The following ZNF563 variants were observed in gnomAD, a reference collection of about 807,000 sequenced individuals.
ZNF563 encodes the protein zinc finger protein 563.
ZNF563 carries 39 observed loss-of-function variants against 48.5 expected under a neutral mutation model. The ratio of observed to expected loss-of-function variants is 0.80; its 90% CI spans 0.62 to 1.05. The LOEUF is 1.05. ZNF563 is among the 50% of genes least tolerant of loss of function. The probability of loss-of-function intolerance (pLI) is 0.00; values close to 1 mark genes in which losing one functional copy is unlikely to be tolerated. For missense variants in ZNF563, 538 were observed against 597.0 expected (o/e 0.90, Z 1.03); for synonymous variants, 168 against 187.9 (o/e 0.89, Z 0.87).
chr19:12,342,821 A>C, the ZNF563 span, among the ~76,000 whole-genome samples: 1,188 of 152,064 alleles, frequency 7.8e-3, 10 homozygotes, highest in African/African-American at 0.027. Context: ...AAATACCTTA[A>C]GACCACTGAA....
At chr19:12,333,367 GGTCCCA>G in intron 1 of ZNF563, 107 bp downstream of exon 1, 1 of 1,442,570 alleles carries the variant, frequency 6.9e-7, no homozygotes, top group South Asian at 1.3e-5. Context: ...GGGGGACTCG[GGTCCCA>G]GACCCCGGAG....
At chr19:12,333,810 T>C (rs978261293), upstream of ZNF563, 13 of 391,324 alleles carry the variant, frequency 3.3e-5, no homozygotes, top group African/African-American at 2.5e-4. Context: ...GATCACACAG[T>C]GCTGAGTCGA....
chr19:12,322,244 T>C (rs954934984), intron 2 of ZNF563, among the ~76,000 whole-genome samples: 1 of 151,718 alleles, frequency 6.6e-6, no homozygotes, highest in African/African-American at 2.4e-5. Flanking sequence ...TTAGTAGAGA[T>C]GGGGTTTCAC....
chr19:12,343,200 GAA>G, the ZNF563 span, among the ~76,000 whole-genome samples: 4 of 138,846 alleles, frequency 2.9e-5, no homozygotes, highest in Non-Finnish European at 6.3e-5. Flanking sequence ...GTCTCAAAAG[GAA>G]AAAAAAAAAG....
At chr19:12,338,644 A>G (rs28807728), upstream of ZNF563, among the ~76,000 whole-genome samples, 7,409 of 151,478 alleles carry the variant, frequency 0.049, 594 homozygotes, top group African/African-American at 0.17. Context: ...ACCTGAGGTC[A>G]GGAGTTCGAG....
intron 2 of ZNF563, among the ~76,000 whole-genome samples, chr19:12,322,089 T>C (rs932919265): frequency 1.3e-5 from 2 of 152,142 alleles, no homozygotes; most frequent in African/African-American, 4.8e-5. Flanking sequence ...AGATTCTCGC[T>C]CTGTCACCCA....
intron 1 of ZNF563, among the ~76,000 whole-genome samples, chr19:12,330,866 C>T (rs967726714): frequency 1.3e-5 from 2 of 152,086 alleles, no homozygotes; most frequent in African/African-American, 4.8e-5. Context: ...AGCCTTGAGA[C>T]AGTATTCATT....
At position 12,319,297 on chromosome 19, in the gene ZNF563, T is replaced by A. The variant is rs976925513; in HGVS notation, c.728A>T (p.His243Leu). 4.3e-6 allele frequency: 7 copies of A among 1,614,090 alleles called. No individual in the cohort carries two copies. Among genetic ancestry groups the A allele is most frequent in the Admixed American group, 3.3e-5 (2 of 60,002 alleles). The change falls in exon 4 of 4, where the codon CAT becomes CTT. Residue 243 changes from histidine (H) to leucine (L), a missense_variant. Coordinates refer to ENST00000293725, the MANE Select transcript of ZNF563 (RefSeq NM_145276.3). Reference protein sequence around the residue: ...AFPFYSSYRRHERMHTGEKPY... With the variant: ...AFPFYSSYRRLERMHTGEKPY... ...TTTCTCCCCAGTGTGCATTCTCTCATGTCTTCGATAGGAACTGTAAAAAGG... is the reference window on the plus strand; with the variant it reads ...TTTCTCCCCAGTGTGCATTCTCTCAAGTCTTCGATAGGAACTGTAAAAAGG...
the ZNF563 span, among the ~76,000 whole-genome samples, chr19:12,343,247 T>A: frequency 6.6e-6 from 1 of 151,372 alleles, no homozygotes; most frequent in East Asian, 1.9e-4. Flanking sequence ...CTCCAATAAG[T>A]ATTCTAATTC....
the ZNF563 span, among the ~76,000 whole-genome samples, chr19:12,343,725 CTT>C: frequency 8.5e-3 from 938 of 110,698 alleles, 2 homozygotes; most frequent in African/African-American, 0.027. Flanking sequence ...AGCATAAATT[CTT>C]TTTTTTTTTT....
chr19:12,339,459 T>C, the ZNF563 span, among the ~76,000 whole-genome samples: 4 of 152,014 alleles, frequency 2.6e-5, no homozygotes, highest in South Asian at 8.3e-4. Flanking sequence ...TTTGTGTTTT[T>C]AGTAGAGGCG....
intron 1 of ZNF563, among the ~76,000 whole-genome samples, chr19:12,330,208 C>T (rs1414384360): frequency 6.6e-6 from 1 of 152,126 alleles, no homozygotes; most frequent in African/African-American, 2.4e-5. Flanking sequence ...GCATGAGCCA[C>T]CACGCCCGGG....
rs1355518709 is a variant in ZNF563 at position 12,329,248 on chromosome 19, C to T, written c.3+4232G>A. Among the ~76,000 whole-genome samples the T allele has an allele frequency of 3.9e-5, 6 of 152,080 alleles. No individual in the cohort carries two copies. In the South Asian group the frequency reaches 8.3e-4, roughly 21 times the overall value. On this transcript the variant is annotated intron_variant, in intron 1 of 3. Transcript: ENST00000293725. ...CAGCACTTTGGAAGGCCAAGGCAGGCGGATCACGAGGTCAGGAGTTCGAGA... is the reference window on the plus strand; with the variant it reads ...CAGCACTTTGGAAGGCCAAGGCAGGTGGATCACGAGGTCAGGAGTTCGAGA...
chr19:12,341,860 C>A, the ZNF563 span, among the ~76,000 whole-genome samples: 1 of 152,078 alleles, frequency 6.6e-6, no homozygotes, highest in Non-Finnish European at 1.5e-5. Context: ...GCAAAACAGA[C>A]AGACATAATG....
chr19:12,331,217 A>G (rs1968908447), intron 1 of ZNF563, among the ~76,000 whole-genome samples: 1 of 152,186 alleles, frequency 6.6e-6, no homozygotes, highest in African/African-American at 2.4e-5. Flanking sequence ...TGAGTGAACA[A>G]ATCTTTTCAA....
intron 1 of ZNF563, among the ~76,000 whole-genome samples, chr19:12,326,433 C>A (rs961107347): frequency 6.6e-6 from 1 of 152,004 alleles, no homozygotes; most frequent in Non-Finnish European, 1.5e-5. Flanking sequence ...CACTTGAGGT[C>A]GGGAGTTCGA....
chr19:12,321,228 G>T, intron 3 of ZNF563, 44 bp downstream of exon 3: 2 of 1,328,024 alleles, frequency 1.5e-6, no homozygotes, highest in African/African-American at 1.5e-5. Flanking sequence ...TTTACTCTGA[G>T]AATCACTTCA....
the ZNF563 span, among the ~76,000 whole-genome samples, chr19:12,343,966 T>A: frequency 6.6e-6 from 1 of 152,034 alleles, no homozygotes; most frequent in Non-Finnish European, 1.5e-5. Context: ...CCTGACCTCG[T>A]GATCCGCCCG....
At position 12,319,069 on chromosome 19, in the gene ZNF563, T is replaced by A. The variant is rs993184901; in HGVS notation, c.956A>T (p.His319Leu). The change falls in exon 4 of 4, where the codon CAT (histidine) becomes CTT (leucine). Residue 319 changes from histidine (H) to leucine (L), a missense_variant. By Grantham distance (99) the His-to-Leu change is moderately conservative. Transcript: ENST00000293725. ...GTGTATCTGAAAGCTTCCAAGATGA[T>A]GAAATGTTTTCCCGCATTGCTTACA... ...YECKQCGKTF[H>L]HLGSFQIHMK... The A allele has an allele frequency of 8.7e-6, 14 of 1,614,016 alleles. 1 individual carries two copies. In the East Asian group the frequency reaches 1.8e-4, roughly 21 times the overall value.
Sources: allele counts gnomAD v4.1 joint callset (sites outside exome capture counted in the v4.1 genomes callset), GRCh38; gene constraint gnomAD v4.1.1; transcripts MANE v1.5; gene names NCBI Gene and HGNC (gene_info 2026-07-23, HGNC 2026-07-21).